Variants in KCND2 observed in about 807,000 individuals in gnomAD.
The protein encoded by KCND2 is A-type voltage-gated potassium channel KCND2.
In KCND2, 16 loss-of-function variants were observed where a neutral mutation model predicts 54.4. The ratio of observed to expected loss-of-function variants is 0.29; its 90% CI spans 0.20 to 0.45. The LOEUF (loss-of-function observed/expected upper bound fraction) is 0.45, where lower values mean the gene tolerates loss of function less well. Among genes scored for constraint, KCND2 ranks in the 20% least tolerant of loss-of-function variants. The pLI is 1.00. For missense variants in KCND2, 486 were observed against 824.2 expected, an observed-to-expected ratio of 0.59 and a Z score of 5.02; for synonymous variants, 317 against 310.7, an observed-to-expected ratio of 1.02 and a Z score of -0.21.
intron 1 of KCND2, among the ~76,000 whole-genome samples, chr7:120,421,531 T>C (rs1801622997): frequency 6.6e-6 from 1 of 152,188 alleles, no homozygotes; most frequent in Admixed American, 6.5e-5. Context: ...TGTGAAAGTG[T>C]TTTTAAACAT....
chr7:120,419,904 A>G (rs1801585419), intron 1 of KCND2, among the ~76,000 whole-genome samples: 1 of 151,198 alleles, frequency 6.6e-6, no homozygotes, highest in African/African-American at 2.4e-5. Flanking sequence ...ACTGCCCCTC[A>G]CTGCCTGACA....
In KCND2 at chr7:120,295,268, G is replaced by A. The variant is rs1391489963; in HGVS notation, c.1115+19521G>A. 2.0e-5 allele frequency among the ~76,000 whole-genome samples: 3 copies of A among 150,908 alleles called. No individual in the cohort carries two copies. In the Admixed American group the frequency reaches 2.0e-4, roughly 10 times the overall value. On this transcript the variant is annotated intron_variant, in intron 1 of 5. Transcript: ENST00000331113. ...AGCAAATATTTGAGTGCCTACACTG[G>A]GCCATGTTCTTTCTAAGTGTTAATG...
intron 1 of KCND2, among the ~76,000 whole-genome samples, chr7:120,586,522 T>C (rs1425709361): frequency 2.0e-5 from 3 of 152,210 alleles, no homozygotes; most frequent in Admixed American, 6.5e-5. Context: ...CATCAAAAAT[T>C]GACAGGCACA....
chr7:120,721,317 C>G (rs553449177), intron 1 of KCND2, among the ~76,000 whole-genome samples: 1 of 152,072 alleles, frequency 6.6e-6, no homozygotes, highest in South Asian at 2.1e-4. Flanking sequence ...CTGGATATAC[C>G]TTAGTTTGTA....
chr7:120,548,590 C>G (rs1464060212), intron 1 of KCND2, among the ~76,000 whole-genome samples: 4 of 152,136 alleles, frequency 2.6e-5, no homozygotes, highest in Admixed American at 2.0e-4. Context: ...GCTCTCAGTG[C>G]AAAAAGAGGA....
chr7:120,691,326 A>G (rs1427922169), intron 1 of KCND2, among the ~76,000 whole-genome samples: 1 of 152,232 alleles, frequency 6.6e-6, no homozygotes, highest in Non-Finnish European at 1.5e-5. Flanking sequence ...CAGAGCACTC[A>G]GGAGGCTATT....
chr7:120,389,165 G>A (rs942893613), intron 1 of KCND2, among the ~76,000 whole-genome samples: 2 of 151,686 alleles, frequency 1.3e-5, no homozygotes, highest in African/African-American at 2.4e-5. Context: ...TTCATATAGC[G>A]CTTTTGGTAG....
intron 1 of KCND2, among the ~76,000 whole-genome samples, chr7:120,473,064 C>G (rs973416241): frequency 2.0e-5 from 3 of 152,280 alleles, no homozygotes; most frequent in African/African-American, 4.8e-5. Flanking sequence ...GCCCTGAGAG[C>G]TTGGACCATA....
intron 1 of KCND2, among the ~76,000 whole-genome samples, chr7:120,724,741 G>A (rs1463767535): frequency 6.6e-6 from 1 of 152,148 alleles, no homozygotes; most frequent in Admixed American, 6.6e-5. Flanking sequence ...AAATATTTCC[G>A]GTGGCTCCAC....
intron 1 of KCND2, among the ~76,000 whole-genome samples, chr7:120,403,616 C>T (rs1339223416): frequency 6.6e-6 from 1 of 151,774 alleles, no homozygotes; most frequent in African/African-American, 2.4e-5. Flanking sequence ...TGGCATGAGC[C>T]ACCATGCCAG....
intron 1 of KCND2, among the ~76,000 whole-genome samples, chr7:120,632,071 C>T (rs1361702833): frequency 6.6e-6 from 1 of 152,022 alleles, no homozygotes; most frequent in Non-Finnish European, 1.5e-5. Flanking sequence ...AAATGGATTT[C>T]TATATATTTT....
At chr7:120,505,774 A>T (rs1261538772) in intron 1 of KCND2, among the ~76,000 whole-genome samples, 2 of 151,784 alleles carry the variant, frequency 1.3e-5, no homozygotes, top group African/African-American at 4.8e-5. Flanking sequence ...AGAAAAAAGT[A>T]CTATTAGAGA....
rs181872772 is a variant in KCND2, at chr7:120,355,604, G to T, written c.1115+79857G>T. ...CACTTTATTATAAGACAGGCTTTGT[G>T]TTAGATGATTTGGCCCAGCATCATG... is the stretch of plus-strand genomic sequence containing the variant. On this transcript the variant is annotated intron_variant, in intron 1 of 5. Transcript: ENST00000331113. Among the ~76,000 whole-genome samples, 5 of 152,142 alleles carry T rather than the reference G, an allele frequency of 3.3e-5. No homozygotes were observed. The East Asian group carries it at 9.7e-4, about 29-fold the overall frequency.
intron 1 of KCND2, among the ~76,000 whole-genome samples, chr7:120,284,471 A>C (rs1799311659): frequency 2.6e-5 from 4 of 152,184 alleles, no homozygotes. Flanking sequence ...AGATTGTATC[A>C]AATGAGGTGT....
At chr7:120,320,989 C>T (rs879472828) in intron 1 of KCND2, among the ~76,000 whole-genome samples, 4 of 152,066 alleles carry the variant, frequency 2.6e-5, no homozygotes, top group Non-Finnish European at 4.4e-5. Flanking sequence ...TTCCAAGTTT[C>T]GAATCTAGGT....
At chr7:120,658,473 G>A (rs1452733923) in intron 1 of KCND2, among the ~76,000 whole-genome samples, 1 of 152,142 alleles carries the variant, frequency 6.6e-6, no homozygotes, top group Non-Finnish European at 1.5e-5. Context: ...TCACATAAGT[G>A]ATTAAAATTA....
At chr7:120,618,547 TC>T (rs1344340905) in intron 1 of KCND2, among the ~76,000 whole-genome samples, 2 of 148,972 alleles carry the variant, frequency 1.3e-5, no homozygotes, top group African/African-American at 4.9e-5. Flanking sequence ...TAATTAACAC[TC>T]TTTTTTTTTT....
At chr7:120,628,142 A>G (rs1793185378) in intron 1 of KCND2, among the ~76,000 whole-genome samples, 1 of 152,240 alleles carries the variant, frequency 6.6e-6, no homozygotes, top group Non-Finnish European at 1.5e-5. Flanking sequence ...ATGAATGTTC[A>G]AAGATATAGA....
At chr7:120,490,819 T>C (rs1245402044) in intron 1 of KCND2, among the ~76,000 whole-genome samples, 1 of 152,154 alleles carries the variant, frequency 6.6e-6, no homozygotes, top group African/African-American at 2.4e-5. Context: ...ATAATATTTC[T>C]CTCCTTTGTC....
Sources: allele counts gnomAD v4.1 joint callset (sites outside exome capture counted in the v4.1 genomes callset), GRCh38; gene constraint gnomAD v4.1.1; transcripts MANE v1.5; gene names NCBI Gene and HGNC (gene_info 2026-07-23, HGNC 2026-07-21).